RABGAP1L: variants seen among roughly 807,000 people sequenced by gnomAD.
RABGAP1L encodes RAB GTPase activating protein 1 like, also known as rab GTPase-activating protein 1-like.
RABGAP1L carries 63 observed loss-of-function variants against 137.7 expected under a neutral mutation model. The ratio of observed to expected loss-of-function variants is 0.46; its 90% CI spans 0.37 to 0.56. The LOEUF (loss-of-function observed/expected upper bound fraction) is 0.56, where lower values mean the gene tolerates loss of function less well. Among genes scored for constraint, RABGAP1L ranks in the 20% least tolerant of loss-of-function variants. RABGAP1L has a pLI of 0.00. For synonymous variants in RABGAP1L, 431 were observed against 433.7 expected (o/e 0.99, Z 0.08); for missense variants, 1,095 against 1,244.0 (o/e 0.88, Z 1.80).
At chr1:174,905,610 G>A (rs981059667) in intron 19 of RABGAP1L, among the ~76,000 whole-genome samples, 4 of 152,170 alleles carry the variant, frequency 2.6e-5, no homozygotes, top group African/African-American at 9.7e-5. Context: ...CAGCACTTTA[G>A]GAGGCCAAGG....
chr1:174,611,961 GAC>G (rs1671293967), intron 13 of RABGAP1L, among the ~76,000 whole-genome samples: 1 of 152,212 alleles, frequency 6.6e-6, no homozygotes, highest in African/African-American at 2.4e-5. Context: ...TTTGGGCTGA[GAC>G]ATTGGGGTTT....
At chr1:174,762,100 G>A (rs968321490) in intron 18 of RABGAP1L, among the ~76,000 whole-genome samples, 8 of 152,186 alleles carry the variant, frequency 5.3e-5, no homozygotes, top group African/African-American at 1.9e-4. Flanking sequence ...GGAAGCCAGC[G>A]AGACTGCAAC....
chr1:174,798,504 T>C (rs1688452155), intron 18 of RABGAP1L, among the ~76,000 whole-genome samples: 1 of 152,214 alleles, frequency 6.6e-6, no homozygotes, highest in Admixed American at 6.5e-5. Context: ...ACTTAAATGT[T>C]AAATTTCTTA....
chr1:174,625,209 A>G (rs762145621), intron 13 of RABGAP1L, among the ~76,000 whole-genome samples: 2 of 151,914 alleles, frequency 1.3e-5, no homozygotes, highest in African/African-American at 2.4e-5. Context: ...TTACTAACCA[A>G]TCAACATTAT....
At chr1:174,254,071 A>G (rs1571793257) in intron 7 of RABGAP1L, among the ~76,000 whole-genome samples, 1 of 151,152 alleles carries the variant, frequency 6.6e-6, no homozygotes. Context: ...ATATAGGAGA[A>G]GGTATCTGGC....
chr1:174,912,722 AG>A (rs1660248601), intron 19 of RABGAP1L, among the ~76,000 whole-genome samples: 1 of 152,198 alleles, frequency 6.6e-6, no homozygotes, highest in African/African-American at 2.4e-5. Context: ...AGATATATGT[AG>A]TCATATGTTT....
intron 19 of RABGAP1L, among the ~76,000 whole-genome samples, chr1:174,847,212 A>G (rs891975720): frequency 2.0e-5 from 3 of 150,812 alleles, no homozygotes; most frequent in Non-Finnish European, 3.0e-5. Flanking sequence ...TAATTGGAGA[A>G]TTGAGTCCAT....
At chr1:174,676,993 A>G (rs922358065) in intron 14 of RABGAP1L, among the ~76,000 whole-genome samples, 4 of 152,072 alleles carry the variant, frequency 2.6e-5, no homozygotes, top group African/African-American at 9.7e-5. Context: ...AGATTTTAAT[A>G]TTTGTTTCCA....
At chr1:174,905,287 C>T (rs1658859909) in intron 19 of RABGAP1L, among the ~76,000 whole-genome samples, 1 of 152,194 alleles carries the variant, frequency 6.6e-6, no homozygotes, top group African/African-American at 2.4e-5. Flanking sequence ...AATTCAGTCA[C>T]TAGCCTTAAG....
At chr1:174,192,541 C>G (rs1006689681) in intron 1 of RABGAP1L, among the ~76,000 whole-genome samples, 1 of 151,980 alleles carries the variant, frequency 6.6e-6, no homozygotes, top group Non-Finnish European at 1.5e-5. Flanking sequence ...AGACTGGTCT[C>G]GAACTTCCAA....
At chr1:174,180,073 T>G (rs1457712094) in intron 1 of RABGAP1L, among the ~76,000 whole-genome samples, 4 of 152,202 alleles carry the variant, frequency 2.6e-5, no homozygotes, top group Non-Finnish European at 5.9e-5. Flanking sequence ...AATAAAGAAT[T>G]AGTTGAGATT....
At chr1:174,621,538 G>T (rs1234590569) in intron 13 of RABGAP1L, among the ~76,000 whole-genome samples, 1 of 152,206 alleles carries the variant, frequency 6.6e-6, no homozygotes, top group Non-Finnish European at 1.5e-5. Flanking sequence ...AGAGCCCTCA[G>T]AAGTAACACG....
chr1:174,689,713 C>G (rs1382224240), intron 15 of RABGAP1L, among the ~76,000 whole-genome samples: 4 of 152,158 alleles, frequency 2.6e-5, no homozygotes, highest in African/African-American at 9.7e-5. Context: ...CAACAACTCC[C>G]TCTGTTTTTC....
At chr1:174,338,452 T>G (rs991476411) in intron 11 of RABGAP1L, among the ~76,000 whole-genome samples, 1 of 152,084 alleles carries the variant, frequency 6.6e-6, no homozygotes, top group African/African-American at 2.4e-5. Context: ...ACAAAGAATA[T>G]ATTTTAATCA....
chr1:174,196,007 T>C (rs983646160), intron 1 of RABGAP1L, among the ~76,000 whole-genome samples: 1 of 150,942 alleles, frequency 6.6e-6, no homozygotes, highest in African/African-American at 2.4e-5. Flanking sequence ...GGCTAATTTT[T>C]TGTATTTTTA....
At chr1:174,546,784 A>G (rs1394877115) in intron 13 of RABGAP1L, among the ~76,000 whole-genome samples, 1 of 152,070 alleles carries the variant, frequency 6.6e-6, no homozygotes, top group African/African-American at 2.4e-5. Flanking sequence ...TAATCCCAGC[A>G]CTTTGGGAGG....
chr1:174,357,410 TA>T (rs1192877388), intron 11 of RABGAP1L, among the ~76,000 whole-genome samples: 15 of 152,222 alleles, frequency 9.9e-5, no homozygotes, highest in African/African-American at 3.4e-4. Context: ...AAAGCACTAA[TA>T]AAAAAATTCT....
chr1:174,762,553 T>G (rs972186134), intron 18 of RABGAP1L, among the ~76,000 whole-genome samples: 1 of 152,194 alleles, frequency 6.6e-6, no homozygotes, highest in Non-Finnish European at 1.5e-5. Flanking sequence ...TTTGCATACT[T>G]GGGACTGATA....
intron 13 of RABGAP1L, among the ~76,000 whole-genome samples, chr1:174,460,495 A>G (rs915747203): frequency 6.6e-6 from 1 of 152,004 alleles, no homozygotes; most frequent in African/African-American, 2.4e-5. Flanking sequence ...TTTCCATATT[A>G]TTGCATATTG....
Sources: allele counts gnomAD v4.1 joint callset (sites outside exome capture counted in the v4.1 genomes callset), GRCh38; gene constraint gnomAD v4.1.1; transcripts MANE v1.5; gene names NCBI Gene and HGNC (gene_info 2026-07-23, HGNC 2026-07-21).